CENPI: variants seen among roughly 807,000 people sequenced by gnomAD.
The protein encoded by CENPI is FSH primary response 1.
In CENPI, 4 loss-of-function variants were observed where a neutral mutation model predicts 60.4. That is an observed-to-expected ratio of 0.07 (90% confidence interval 0.03 to 0.15). The LOEUF is 0.15. Among genes scored for constraint, CENPI ranks in the 10% least tolerant of loss-of-function variants. CENPI has a pLI of 1.00. For synonymous variants in CENPI, 157 were observed against 189.4 expected (o/e 0.83, Z 1.40); for missense variants, 444 against 534.5 (o/e 0.83, Z 1.67).
At chrX:101,103,422 A>G (rs1231448439) in intron 4 of CENPI, among the ~76,000 whole-genome samples, 3 of 109,926 alleles carry the variant, frequency 2.7e-5, no homozygotes, top group African/African-American at 9.9e-5. Context: ...GCTCACTGCA[A>G]CCTCTGCCTC....
intron 13 of CENPI, among the ~76,000 whole-genome samples, chrX:101,131,393 G>A (rs2089794510): frequency 1.8e-5 from 2 of 111,216 alleles, no homozygotes; most frequent in South Asian, 7.7e-4. Flanking sequence ...TTAGGTTGAC[G>A]TTTATGTTTC....
At chrX:101,159,372 C>G (rs1569504452) in intron 20 of CENPI, among the ~76,000 whole-genome samples, 1 of 109,686 alleles carries the variant, frequency 9.1e-6, no homozygotes, top group Non-Finnish European at 1.9e-5. Context: ...CCGTGTTAGC[C>G]AGGACGGTCT....
At chrX:101,109,801 T>G in intron 5 of CENPI, 90 bp from the exon 6 acceptor site, 1 of 648,306 alleles carries the variant, frequency 1.5e-6, no homozygotes, top group Non-Finnish European at 2.4e-6. Flanking sequence ...GCTTCTAAAA[T>G]AGCCCTGGTG....
rs113840710 is a variant in CENPI, at chrX:101,112,828, A to AT, written c.591+2844dup. Among the ~76,000 whole-genome samples the AT allele has an allele frequency of 5.4e-3, 542 of 101,261 alleles. 2 individuals carry two copies. The highest frequency in any genetic ancestry group is 0.017 in the African/African-American group (473 of 28,106). 87.9% of individuals were successfully genotyped at this position (101,261 alleles called of 115,157 possible). On this transcript the variant is annotated intron_variant, in intron 6 of 21. Coordinates refer to ENST00000682095, the MANE Select transcript of CENPI (RefSeq NM_001386188.2). ...ACCACACTGGCCAAGGGGTCCTCTA[A>AT]TTTTTTTTTTTTTTGGGACGGAGTC... is the stretch of plus-strand genomic sequence containing the variant.
chrX:101,100,709 C>G (rs1327787063), intron 2 of CENPI: 1 of 145,100 alleles, frequency 6.9e-6, no homozygotes, highest in African/African-American at 3.1e-5. Flanking sequence ...AGGTGTGAGC[C>G]ACCACGCCCG....
intron 4 of CENPI, among the ~76,000 whole-genome samples, chrX:101,108,364 T>TC (rs1262463576): frequency 9.2e-6 from 1 of 108,539 alleles, no homozygotes; most frequent in Admixed American, 1.0e-4. Flanking sequence ...CAGCTAATCT[T>TC]TTTTTTTTTC....
intron 6 of CENPI, among the ~76,000 whole-genome samples, chrX:101,110,935 G>T (rs1002865440): frequency 9.0e-6 from 1 of 111,675 alleles, no homozygotes; most frequent in African/African-American, 3.2e-5. Context: ...ATGACAGAAA[G>T]TGATACTTGA....
intron 6 of CENPI, among the ~76,000 whole-genome samples, chrX:101,113,274 C>T (rs1453007894): frequency 1.2e-5 from 1 of 85,377 alleles, no homozygotes; most frequent in African/African-American, 4.5e-5. Flanking sequence ...TGTTTTTCTC[C>T]ATCCCTTTAC....
At chrX:101,121,739 C>T (rs1186045314) in intron 8 of CENPI, among the ~76,000 whole-genome samples, 2 of 106,852 alleles carry the variant, frequency 1.9e-5, no homozygotes, top group Non-Finnish European at 3.8e-5. Context: ...ATGGCTGGAA[C>T]AGTAAGTGTT....
chrX:101,112,767 C>T lies in CENPI; in HGVS notation c.591+2769C>T, dbSNP rs188305485. Among the ~76,000 whole-genome samples, 703 of 110,228 alleles carry T rather than the reference C, an allele frequency of 6.4e-3. 10 individuals are homozygous for T. The highest frequency in any genetic ancestry group is 0.01 in the Non-Finnish European group (552 of 52,919). ...TGAGCCTCAGGTGATCCACCCGCCT[C>T]GGGTTCCCAACGTGCTGGGATTACA... On this transcript the variant is annotated intron_variant, in intron 6 of 21. Coordinates refer to ENST00000682095, the MANE Select transcript of CENPI (RefSeq NM_001386188.2).
chrX:101,133,795 C>T (rs1028525625), intron 15 of CENPI, among the ~76,000 whole-genome samples: 2 of 111,687 alleles, frequency 1.8e-5, no homozygotes, highest in Non-Finnish European at 3.8e-5. Flanking sequence ...GGACAAGAAA[C>T]GTTTCTTTTA....
the CENPI span, among the ~76,000 whole-genome samples, chrX:101,172,181 T>C: frequency 1.8e-5 from 2 of 111,642 alleles, no homozygotes; most frequent in Non-Finnish European, 3.8e-5. Flanking sequence ...TGCGGAGGAA[T>C]TGAAATAGTC....
intron 6 of CENPI, among the ~76,000 whole-genome samples, chrX:101,111,367 T>C (rs904312337): frequency 9.9e-5 from 11 of 110,782 alleles, no homozygotes; most frequent in African/African-American, 3.3e-4. Context: ...CAAAATTATT[T>C]TCATAATAAT....
the CENPI span, among the ~76,000 whole-genome samples, chrX:101,178,711 G>A: frequency 2.7e-5 from 3 of 111,338 alleles, no homozygotes; most frequent in African/African-American, 6.5e-5. Context: ...ACACCCGGCC[G>A]GATCTATGCT....
chrX:101,143,674 G>A (rs995397283), intron 16 of CENPI, among the ~76,000 whole-genome samples: 2 of 112,042 alleles, frequency 1.8e-5, no homozygotes, highest in African/African-American at 6.5e-5. Context: ...GATTACAGGC[G>A]TGCACCACCA....
At chrX:101,181,678 T>C in the CENPI span, among the ~76,000 whole-genome samples, 1 of 112,364 alleles carries the variant, frequency 8.9e-6, no homozygotes, top group African/African-American at 3.2e-5. Context: ...TAATAGTTTT[T>C]GAGTGGATTT....
intron 19 of CENPI, 23 bp downstream of exon 19, chrX:101,147,834 T>G: frequency 8.4e-7 from 1 of 1,194,630 alleles, no homozygotes; most frequent in Non-Finnish European, 1.1e-6. Flanking sequence ...AAGCTCTGTG[T>G]TAAATCACTG....
intron 4 of CENPI, among the ~76,000 whole-genome samples, chrX:101,102,992 G>A (rs1393329621): frequency 9.7e-6 from 1 of 103,136 alleles, no homozygotes; most frequent in Non-Finnish European, 2.0e-5. Flanking sequence ...GCCTGGCCGA[G>A]GGGATTTTTT....
chrX:101,113,312 C>T (rs1167570376), intron 6 of CENPI, among the ~76,000 whole-genome samples: 10 of 101,043 alleles, frequency 9.9e-5, no homozygotes, highest in African/African-American at 3.3e-4. Flanking sequence ...CACACACACA[C>T]ACACACACAC....
Sources: allele counts gnomAD v4.1 joint callset (sites outside exome capture counted in the v4.1 genomes callset), GRCh38; gene constraint gnomAD v4.1.1; transcripts MANE v1.5; gene names NCBI Gene and HGNC (gene_info 2026-07-23, HGNC 2026-07-21).